AMOTL1: variants seen among roughly 807,000 people sequenced by gnomAD.
AMOTL1 encodes the protein angiomotin like 1, also known as angiomotin-like protein 1.
In AMOTL1, 45 loss-of-function variants were observed where a neutral mutation model predicts 102.9. The observed-to-expected ratio is 0.44, with a 90% CI of 0.34 to 0.56. The LOEUF (loss-of-function observed/expected upper bound fraction) is 0.56, where lower values mean the gene tolerates loss of function less well. Ranked by LOEUF, AMOTL1 falls within the 20% of genes least tolerant of loss-of-function variation. AMOTL1 has a pLI of 0.01. For missense variants in AMOTL1, 1,114 were observed against 1,225.6 expected (o/e 0.91, Z 1.36); for synonymous variants, 481 against 484.7 (o/e 0.99, Z 0.10).
chr11:94,760,316 G>T (rs1417427474), intron 3 of AMOTL1, among the ~76,000 whole-genome samples: 9 of 152,062 alleles, frequency 5.9e-5, no homozygotes, highest in Admixed American at 5.2e-4. Context: ...AACCCCTATT[G>T]TATATACCTT....
At chr11:94,754,889 G>A (rs1379157744) in intron 3 of AMOTL1, among the ~76,000 whole-genome samples, 1 of 152,114 alleles carries the variant, frequency 6.6e-6, no homozygotes, top group Non-Finnish European at 1.5e-5. Flanking sequence ...TTTATCTTCA[G>A]ATAAACAGAT....
At chr11:94,739,566 G>C (rs550638004) in intron 2 of AMOTL1, among the ~76,000 whole-genome samples, 1 of 152,184 alleles carries the variant, frequency 6.6e-6, no homozygotes, top group Admixed American at 6.5e-5. Flanking sequence ...GGCTCAGATC[G>C]GGGCCCTTAG....
intron 1 of AMOTL1, among the ~76,000 whole-genome samples, chr11:94,708,162 C>T (rs372321132): frequency 4.6e-5 from 7 of 152,202 alleles, no homozygotes; most frequent in Non-Finnish European, 7.3e-5. Context: ...CTCGTCCCCC[C>T]TGCTACCAGG....
chr11:94,850,199 C>T lies in AMOTL1; in HGVS notation c.1734C>T (p.Ile578=), dbSNP rs201283527. The T allele has an allele frequency of 8.2e-6, 13 of 1,594,722 alleles. No homozygotes were observed. Among genetic ancestry groups the T allele is most frequent in the Admixed American group, 3.5e-5 (2 of 57,032 alleles). ...CAAGTGAGGACCATCGGAGACACAT[C>T]GAGATCCTGGACCAGGCTTTGAGCA... ...RTASEDHRRH[I]EILDQALSNA... Residue 578 remains isoleucine (I), a synonymous_variant, in exon 7 of 13, where the codon ATC becomes ATT. Coordinates refer to ENST00000433060, the MANE Select transcript of AMOTL1 (RefSeq NM_130847.3).
At chr11:94,712,795 T>C (rs1380520354) in intron 1 of AMOTL1, among the ~76,000 whole-genome samples, 1 of 151,920 alleles carries the variant, frequency 6.6e-6, no homozygotes, top group Non-Finnish European at 1.5e-5. Flanking sequence ...TTTTATTCTA[T>C]CCTCTTGAAA....
intron 1 of AMOTL1, among the ~76,000 whole-genome samples, chr11:94,771,259 T>TGGGGG (rs10692853): frequency 7.2e-5 from 7 of 96,936 alleles, no homozygotes; most frequent in Non-Finnish European, 1.1e-4. Flanking sequence ...TTGGCGGGGT[T>TGGGGG]GGGGGGGGGG....
rs1952609810 is a variant in AMOTL1, at chr11:94,854,160, A to G, written c.1944+78A>G. On this transcript the variant is annotated intron_variant, in intron 8 of 12. Coordinates refer to ENST00000433060, the MANE Select transcript of AMOTL1 (RefSeq NM_130847.3). Reference sequence around the variant, plus strand: ...ACGTATGGATGTTCTACCATGGGCCAGATCCTGCACCTTGCTCCCAGGATT... The same window carrying G: ...ACGTATGGATGTTCTACCATGGGCCGGATCCTGCACCTTGCTCCCAGGATT... 4 of 1,439,982 alleles carry G rather than the reference A, an allele frequency of 2.8e-6. No homozygotes were observed. In the South Asian group the frequency reaches 4.5e-5, roughly 16 times the overall value. 89.2% of individuals were successfully genotyped at this position (1,439,982 alleles called of 1,614,324 possible).
chr11:94,757,118 C>G (rs1455313531), intron 3 of AMOTL1, among the ~76,000 whole-genome samples: 2 of 151,844 alleles, frequency 1.3e-5, no homozygotes, highest in East Asian at 3.9e-4. Flanking sequence ...GCCCAAAACT[C>G]AGGAAATATA....
chr11:94,716,224 T>C (rs1950097407), intron 1 of AMOTL1, among the ~76,000 whole-genome samples: 1 of 152,174 alleles, frequency 6.6e-6, no homozygotes, highest in Non-Finnish European at 1.5e-5. Context: ...TATTTCTTTG[T>C]TGGAATTGTG....
intron 1 of AMOTL1, among the ~76,000 whole-genome samples, chr11:94,793,738 C>T (rs1396368106): frequency 6.6e-6 from 1 of 152,234 alleles, no homozygotes; most frequent in East Asian, 1.9e-4. Context: ...AGAAGGCTGA[C>T]AGATACTGTC....
At chr11:94,852,736 T>A (rs1042132686) in intron 7 of AMOTL1, among the ~76,000 whole-genome samples, 1 of 152,202 alleles carries the variant, frequency 6.6e-6, no homozygotes, top group Non-Finnish European at 1.5e-5. Flanking sequence ...GCACTTCCCA[T>A]CTCTTCAAGG....
intron 7 of AMOTL1, among the ~76,000 whole-genome samples, chr11:94,853,509 A>T (rs1457139103): frequency 6.6e-6 from 1 of 152,200 alleles, no homozygotes; most frequent in Admixed American, 6.5e-5. Context: ...ATAGTATTCC[A>T]TGGTGTATAT....
chr11:94,778,936 A>G (rs2135528672), intron 1 of AMOTL1, among the ~76,000 whole-genome samples: 1 of 152,296 alleles, frequency 6.6e-6, no homozygotes, highest in Admixed American at 6.5e-5. Flanking sequence ...AGGTGTGAGT[A>G]TTCCCAGAAA....
At chr11:94,842,992 A>G (rs60793865) in intron 6 of AMOTL1, among the ~76,000 whole-genome samples, 1 of 152,136 alleles carries the variant, frequency 6.6e-6, no homozygotes, top group Admixed American at 6.5e-5. Context: ...GAATAGACCC[A>G]CCTTAACCAC....
chr11:94,739,569 G>A (rs996643355), intron 2 of AMOTL1, among the ~76,000 whole-genome samples: 3 of 152,190 alleles, frequency 2.0e-5, no homozygotes, highest in Admixed American at 6.5e-5. Flanking sequence ...TCAGATCGGG[G>A]CCCTTAGGCT....
intron 6 of AMOTL1, among the ~76,000 whole-genome samples, chr11:94,843,788 A>G (rs1196255428): frequency 6.6e-6 from 1 of 152,190 alleles, no homozygotes; most frequent in Non-Finnish European, 1.5e-5. Context: ...AGTTAACAGA[A>G]TTGATGCCAT....
At chr11:94,768,723 T>A (rs1049420769) in intron 1 of AMOTL1, among the ~76,000 whole-genome samples, 163 bp downstream of exon 1, 5 of 151,852 alleles carry the variant, frequency 3.3e-5, no homozygotes. Context: ...CGGGTTCCCT[T>A]GCCCCGCTCC....
intron 1 of AMOTL1, among the ~76,000 whole-genome samples, chr11:94,727,726 C>T (rs567715659): frequency 6.6e-6 from 1 of 152,124 alleles, no homozygotes; most frequent in Non-Finnish European, 1.5e-5. Context: ...TACACTGTGC[C>T]ATATTCACTC....
intron 3 of AMOTL1, among the ~76,000 whole-genome samples, chr11:94,802,957 T>C (rs1162407665): frequency 6.6e-6 from 1 of 152,224 alleles, no homozygotes; most frequent in East Asian, 1.9e-4. Context: ...CTGTTTGTCA[T>C]TGATCGTGAT....
Sources: gnomAD v4.1 joint callset for allele counts (sites outside exome capture counted in the v4.1 genomes callset) on GRCh38, gnomAD v4.1.1 for gene constraint, MANE v1.5 for transcripts, NCBI Gene and HGNC (gene_info 2026-07-23, HGNC 2026-07-21) for gene names.